The following SGMS1 variants were observed in gnomAD, a reference collection of about 807,000 sequenced individuals.
The protein encoded by SGMS1 is sphingomyelin synthase 1.
Under a neutral mutation model 46.2 loss-of-function variants are expected in SGMS1, and 13 were observed. The ratio of observed to expected loss-of-function variants is 0.28; its 90% confidence interval spans 0.18 to 0.45. The LOEUF (loss-of-function observed/expected upper bound fraction) is 0.45, where lower values mean the gene tolerates loss of function less well. SGMS1 is among the 20% of genes least tolerant of loss of function. The probability of loss-of-function intolerance (pLI) is 1.00; values close to 1 mark genes in which losing one functional copy is unlikely to be tolerated. For missense variants in SGMS1, 324 were observed against 519.9 expected (o/e 0.62, Z 3.66); for synonymous variants, 203 against 187.8 (o/e 1.08, Z -0.66).
At chr10:50,328,041 A>G in intron 7 of SGMS1, 1 of 378,950 alleles carries the variant, frequency 2.6e-6, no homozygotes, top group South Asian at 2.0e-5. Flanking sequence ...ATGAATAAAA[A>G]TATAAGCAAA....
At chr10:50,593,471 T>A (rs1838561473) in intron 1 of SGMS1, among the ~76,000 whole-genome samples, 1 of 152,182 alleles carries the variant, frequency 6.6e-6, no homozygotes, top group Admixed American at 6.5e-5. Context: ...AAAATAAATC[T>A]CATGTACCTA....
At chr10:50,506,843 C>T (rs1259794244) in intron 3 of SGMS1, among the ~76,000 whole-genome samples, 1 of 152,214 alleles carries the variant, frequency 6.6e-6, no homozygotes, top group Non-Finnish European at 1.5e-5. Flanking sequence ...CTAGGTGCTT[C>T]ACGCACATGA....
At chr10:50,478,078 A>G (rs1397863068) in intron 3 of SGMS1, among the ~76,000 whole-genome samples, 2 of 152,362 alleles carry the variant, frequency 1.3e-5, no homozygotes, top group East Asian at 1.9e-4. Context: ...TACGTACATC[A>G]GTGGGTAACA....
At chr10:50,382,915 C>T (rs779972889) in intron 6 of SGMS1, among the ~76,000 whole-genome samples, 109 of 152,134 alleles carry the variant, frequency 7.2e-4, no homozygotes, top group Non-Finnish European at 1.3e-3. Context: ...TTGTTTTCTG[C>T]ATTTTCATGA....
intron 3 of SGMS1, among the ~76,000 whole-genome samples, chr10:50,509,149 A>G (rs756685256): frequency 5.3e-5 from 8 of 152,214 alleles, no homozygotes; most frequent in Admixed American, 2.0e-4. Context: ...TATTGTTGAG[A>G]TATCTGTCCC....
At position 50,355,186 on chromosome 10, in the gene SGMS1, A is replaced by T. The variant is rs532395364; in HGVS notation, c.-231-10841T>A. ...CTATTCACAATAGCAAAGACTTGGA[A>T]CCAACCCAAATGTCCAACAATGACA... On this transcript the variant is annotated intron_variant, in intron 6 of 10. Transcript: ENST00000361781. 3.9e-3 allele frequency among the ~76,000 whole-genome samples: 592 copies of T among 152,368 alleles called. 3 individuals carry two copies. Among genetic ancestry groups the T allele is most frequent in the African/African-American group, 0.014 (570 of 41,584 alleles).
In SGMS1 at chr10:50,361,526, A is replaced by AT. The variant is rs146895034; in HGVS notation, c.-231-17182dup. On this transcript the variant is annotated intron_variant, in intron 6 of 10. Transcript: ENST00000361781. ...CCATACCTAGTGCAGTTAAAGTTCA[A>AT]TTTTTTAAGGGGCAAAAATAAACAA... 5.6e-3 allele frequency among the ~76,000 whole-genome samples: 848 copies of AT among 152,296 alleles called. 11 individuals carry two copies. Among genetic ancestry groups the AT allele is most frequent in the African/African-American group, 0.019 (801 of 41,552 alleles).
At chr10:50,545,963 G>T (rs1219340466) in intron 2 of SGMS1, among the ~76,000 whole-genome samples, 1 of 152,128 alleles carries the variant, frequency 6.6e-6, no homozygotes, top group Non-Finnish European at 1.5e-5. Flanking sequence ...CATGCATTCT[G>T]GAGATATACA....
At chr10:50,377,284 C>T (rs534848993) in intron 6 of SGMS1, among the ~76,000 whole-genome samples, 5 of 152,234 alleles carry the variant, frequency 3.3e-5, no homozygotes, top group Admixed American at 2.0e-4. Context: ...ATAACGGATC[C>T]ACTTTCATGA....
At position 50,584,498 on chromosome 10, in the gene SGMS1, CAA is replaced by C. The variant is rs751224205; in HGVS notation, c.-589+5653_-589+5654del. Among the ~76,000 whole-genome samples, 81 of 69,550 alleles carry C rather than the reference CAA, an allele frequency of 1.2e-3. 1 individual carries two copies. The highest frequency in any genetic ancestry group is 4.2e-3 in the Admixed American group (27 of 6,492). The allele number at this position is 69,550 out of a possible 152,430, so 45.6% of individuals were successfully genotyped here. A position where few individuals can be genotyped will look rare whatever the true frequency, so the allele number is the denominator to read the frequency against. ...TGGGTGACAGTGCGAGACTCCATCT[CAA>C]AAAAAAAAAAAAAAAAAAAAGATCA... is the stretch of plus-strand genomic sequence containing the variant. On this transcript the variant is annotated intron_variant, in intron 2 of 10. Transcript: ENST00000361781.
At chr10:50,344,780 G>A (rs1847889056) in intron 6 of SGMS1, among the ~76,000 whole-genome samples, 1 of 149,196 alleles carries the variant, frequency 6.7e-6, no homozygotes, top group Non-Finnish European at 1.5e-5. Context: ...GCTGAGGCAG[G>A]AGAATGGTGT....
chr10:50,524,216 C>T (rs1751058317), intron 2 of SGMS1, among the ~76,000 whole-genome samples: 1 of 152,222 alleles, frequency 6.6e-6, no homozygotes, highest in Admixed American at 6.5e-5. Context: ...ATCACAATGT[C>T]TCCTGTAGAT....
intron 4 of SGMS1, among the ~76,000 whole-genome samples, chr10:50,461,530 T>C (rs960990444): frequency 1.3e-5 from 2 of 152,216 alleles, no homozygotes; most frequent in African/African-American, 4.8e-5. Flanking sequence ...TTTTCTTTTT[T>C]TTCCTGTGAT....
chr10:50,596,853 G>T (rs1044263561), intron 1 of SGMS1, among the ~76,000 whole-genome samples: 3 of 152,140 alleles, frequency 2.0e-5, no homozygotes, highest in Non-Finnish European at 4.4e-5. Flanking sequence ...TAACAGAAAA[G>T]GAAATTGATT....
intron 2 of SGMS1, among the ~76,000 whole-genome samples, chr10:50,585,574 T>C (rs779310000): frequency 1.3e-5 from 2 of 152,234 alleles, no homozygotes; most frequent in Non-Finnish European, 2.9e-5. Context: ...AAGCCCCATG[T>C]GGTTGGTGCA....
At chr10:50,608,735 T>C (rs1005379215) in intron 1 of SGMS1, among the ~76,000 whole-genome samples, 2 of 152,104 alleles carry the variant, frequency 1.3e-5, no homozygotes, top group Admixed American at 6.5e-5. Flanking sequence ...GGTGGCAAAA[T>C]TGCCTGTGAA....
At chr10:50,620,926 G>A (rs150651756) in intron 1 of SGMS1, among the ~76,000 whole-genome samples, 2 of 152,298 alleles carry the variant, frequency 1.3e-5, no homozygotes, top group African/African-American at 4.8e-5. Context: ...ACTCACACCT[G>A]TAATCGCAGC....
At chr10:50,581,884 A>G (rs146003480) in intron 2 of SGMS1, among the ~76,000 whole-genome samples, 4 of 152,342 alleles carry the variant, frequency 2.6e-5, no homozygotes, top group African/African-American at 7.2e-5. Context: ...AGACATCTAC[A>G]TGGTAAACAA....
intron 1 of SGMS1, among the ~76,000 whole-genome samples, chr10:50,598,018 A>G (rs1200079455): frequency 3.3e-5 from 5 of 151,726 alleles, no homozygotes; most frequent in Admixed American, 3.3e-4. Flanking sequence ...GTCTCAAAAA[A>G]AAAAAAAAAG....
Sources: allele counts gnomAD v4.1 joint callset (sites outside exome capture counted in the v4.1 genomes callset), GRCh38; gene constraint gnomAD v4.1.1; transcripts MANE v1.5; gene names NCBI Gene and HGNC (gene_info 2026-07-23, HGNC 2026-07-21).